Variants in LMOD1 observed in about 807,000 individuals in gnomAD.
LMOD1 encodes leiomodin-1.
A neutral mutation model predicts 36.5 loss-of-function variants in LMOD1; 8 were observed. The ratio of observed to expected loss-of-function variants is 0.22; its 90% CI spans 0.13 to 0.40. The LOEUF is 0.40. Ranked by LOEUF, LMOD1 falls within the 10% of genes least tolerant of loss-of-function variation. The pLI is 1.00. For synonymous variants in LMOD1, 284 were observed against 288.7 expected (o/e 0.98, Z 0.17); for missense variants, 630 against 751.1 (o/e 0.84, Z 1.88).
intron 1 of LMOD1, among the ~76,000 whole-genome samples, chr1:201,941,009 A>T (rs982039210): frequency 2.0e-5 from 3 of 150,692 alleles, no homozygotes; most frequent in Non-Finnish European, 4.4e-5. Context: ...GGCCTCCCAA[A>T]GTGCTGGGAT....
Position 201,896,621 on chromosome 1 carries a change from G to A in LMOD1, c.*1751C>T, listed in dbSNP as rs1340150074. On this transcript the variant is annotated 3_prime_UTR_variant, in exon 3 of 3. Transcript: ENST00000367288. ...AGTGCCCAGTGCCCAGCAGGCACAG[G>A]GGGGTGCAGTGGGACTGACAGTGAG... 4.4e-6 allele frequency: 2 copies of A among 456,642 alleles called. No homozygotes were observed. The allele number at this position is 456,642 out of a possible 1,614,324, so 28.3% of individuals were successfully genotyped here.
At chr1:201,904,198 C>A (rs1681374830) in intron 1 of LMOD1, among the ~76,000 whole-genome samples, 1 of 152,118 alleles carries the variant, frequency 6.6e-6, no homozygotes, top group African/African-American at 2.4e-5. Flanking sequence ...TTCTTTCTTT[C>A]TTTCCTTTTC....
intron 1 of LMOD1, among the ~76,000 whole-genome samples, chr1:201,928,114 G>A (rs1289825552): frequency 1.3e-5 from 2 of 152,154 alleles, no homozygotes; most frequent in Admixed American, 1.3e-4. Context: ...CAGCAATAAG[G>A]TCCTCACCAG....
chr1:201,905,439 G>A (rs1681396681), intron 1 of LMOD1, among the ~76,000 whole-genome samples: 1 of 152,230 alleles, frequency 6.6e-6, no homozygotes, highest in South Asian at 2.1e-4. Context: ...TTCTGATGCT[G>A]CTTTCTTTAG....
chr1:201,914,512 G>C (rs1475051903), intron 1 of LMOD1, among the ~76,000 whole-genome samples: 1 of 152,044 alleles, frequency 6.6e-6, no homozygotes, highest in Non-Finnish European at 1.5e-5. Flanking sequence ...AAAGGTAACT[G>C]TCATTATGGG....
At chr1:201,903,967 G>C (rs1681370361) in intron 1 of LMOD1, among the ~76,000 whole-genome samples, 1 of 152,160 alleles carries the variant, frequency 6.6e-6, no homozygotes, top group South Asian at 2.1e-4. Context: ...AGACCTGACT[G>C]TCTCACTAAC....
chr1:201,931,554 A>AG (rs71564169), intron 1 of LMOD1, among the ~76,000 whole-genome samples: 1 of 149,032 alleles, frequency 6.7e-6, no homozygotes, highest in Non-Finnish European at 1.5e-5. Flanking sequence ...AAAAAAAAAA[A>AG]GGGAGAGAAA....
intron 1 of LMOD1, among the ~76,000 whole-genome samples, chr1:201,922,651 T>G (rs1011000587): frequency 5.9e-5 from 9 of 151,882 alleles, no homozygotes; most frequent in Non-Finnish European, 1.3e-4. Context: ...TGGAATCAGG[T>G]AGTGGTGTTG....
At chr1:201,943,949 A>G (rs1682161675) in intron 1 of LMOD1, among the ~76,000 whole-genome samples, 1 of 152,174 alleles carries the variant, frequency 6.6e-6, no homozygotes. Flanking sequence ...TATTTTGTTA[A>G]TGGTGCCAAA....
chr1:201,923,089 TGCTGGGATTACAG>T (rs1681733761), intron 1 of LMOD1, among the ~76,000 whole-genome samples: 1 of 152,172 alleles, frequency 6.6e-6, no homozygotes, highest in Admixed American at 6.5e-5. Context: ...CCTCCCAAAG[TGCTGGGATTACAG>T]GCGTGAGCCA....
In LMOD1 at chr1:201,913,666, A is replaced by G. The variant is rs1681551768; in HGVS notation, c.262-12915T>C. 1.3e-5 allele frequency among the ~76,000 whole-genome samples: 2 copies of G among 152,150 alleles called. 1 individual carries two copies. Among genetic ancestry groups the G allele is most frequent in the Admixed American group, 1.3e-4 (2 of 15,268 alleles). ...ACAAGGCTCGCCTCCTTAATCCTCA[A>G]TTCTCATCTAGATCATTGCTAACCC... is the stretch of plus-strand genomic sequence containing the variant. On this transcript the variant is annotated intron_variant, in intron 1 of 2. Transcript: ENST00000367288.
intron 1 of LMOD1, among the ~76,000 whole-genome samples, chr1:201,928,173 A>G (rs1201595394): frequency 2.0e-5 from 3 of 152,182 alleles, no homozygotes; most frequent in African/African-American, 4.8e-5. Context: ...CCATGAGCAA[A>G]ATGTACTTCT....
At chr1:201,931,614 C>A (rs983135547) in intron 1 of LMOD1, among the ~76,000 whole-genome samples, 81 of 151,098 alleles carry the variant, frequency 5.4e-4, no homozygotes, top group African/African-American at 1.9e-3. Context: ...TACATGGATG[C>A]TTACAAGTTT....
At chr1:201,914,194 G>T (rs371201339) in intron 1 of LMOD1, among the ~76,000 whole-genome samples, 1 of 152,226 alleles carries the variant, frequency 6.6e-6, no homozygotes, top group South Asian at 2.1e-4. Flanking sequence ...CTGACTGCAG[G>T]CCTGTGTGGC....
rs1681337485 is a variant in LMOD1 at position 201,901,963 on chromosome 1, ATT to A, written c.262-1214_262-1213del. Among the ~76,000 whole-genome samples the A allele has an allele frequency of 2.3e-4, 15 of 64,644 alleles. No individual in the cohort carries two copies. The Admixed American group carries it at 3.0e-3, about 13-fold the overall frequency. The allele number at this position is 64,644 out of a possible 152,430, so 42.4% of individuals were successfully genotyped here. Reference sequence around the variant, plus strand: ...TATTATCATTATTATTGTTATTATTATTATTTTTTTTTTTTAGAGATGGGGGT... The same window carrying A: ...TATTATCATTATTATTGTTATTATTAATTTTTTTTTTTTAGAGATGGGGGT... On this transcript the variant is annotated intron_variant, in intron 1 of 2. Coordinates refer to ENST00000367288, the MANE Select transcript of LMOD1 (RefSeq NM_012134.3).
chr1:201,933,595 TTATATATATATA>T (rs71141426), intron 1 of LMOD1, among the ~76,000 whole-genome samples: 18,798 of 63,050 alleles, frequency 0.3, 2,272 homozygotes, highest in South Asian at 0.47. Context: ...TATACATACA[TTATATATATATA>T]TATATATATA....
intron 1 of LMOD1, among the ~76,000 whole-genome samples, chr1:201,924,038 T>C (rs1681755805): frequency 6.8e-6 from 1 of 147,684 alleles, no homozygotes; most frequent in African/African-American, 2.5e-5. Flanking sequence ...AGAGAGAGGC[T>C]GGGCACAGTG....
chr1:201,898,472 C>T, intron 2 of LMOD1, 74 bp from the exon 3 acceptor site: 1 of 1,306,876 alleles, frequency 7.7e-7, no homozygotes, highest in Non-Finnish European at 1.1e-6. Context: ...TGGAAGGACA[C>T]ACAAGACACT....
chr1:201,933,907 C>T (rs1681971787), intron 1 of LMOD1, among the ~76,000 whole-genome samples: 1 of 152,032 alleles, frequency 6.6e-6, no homozygotes, highest in East Asian at 1.9e-4. Flanking sequence ...TTGTCTGAGA[C>T]CACCCAGCTG....
Sources: gnomAD v4.1 joint callset for allele counts (sites outside exome capture counted in the v4.1 genomes callset) on GRCh38, gnomAD v4.1.1 for gene constraint, MANE v1.5 for transcripts, NCBI Gene and HGNC (gene_info 2026-07-23, HGNC 2026-07-21) for gene names.